Variants in DOCK2 observed in about 807,000 individuals in gnomAD.
DOCK2 encodes the protein dedicator of cytokinesis protein 2.
A neutral mutation model predicts 248.9 loss-of-function variants in DOCK2; 87 were observed. That is an observed-to-expected ratio of 0.35 (90% CI 0.29 to 0.42). DOCK2 has a LOEUF of 0.42. Ranked by LOEUF, DOCK2 falls within the 10% of genes least tolerant of loss-of-function variation. The pLI, the probability that DOCK2 is intolerant of heterozygous loss-of-function variation, is 1.00. For missense variants in DOCK2, 1,747 were observed against 2,300.2 expected, an observed-to-expected ratio of 0.76 and a Z score of 4.92; for synonymous variants, 805 against 821.6, an observed-to-expected ratio of 0.98 and a Z score of 0.35.
At chr5:169,872,445 A>T (rs982991201) in intron 27 of DOCK2, among the ~76,000 whole-genome samples, 1 of 152,144 alleles carries the variant, frequency 6.6e-6, no homozygotes, top group Non-Finnish European at 1.5e-5. Context: ...CTCATTTTTT[A>T]TAGGGTTTAA....
chr5:169,942,611 G>A (rs571247532), intron 27 of DOCK2, among the ~76,000 whole-genome samples: 1 of 152,336 alleles, frequency 6.6e-6, no homozygotes, highest in Admixed American at 6.5e-5. Flanking sequence ...CCAAGATGGT[G>A]CTGGCTCTGC....
intron 26 of DOCK2, among the ~76,000 whole-genome samples, chr5:169,812,665 T>C (rs897443794): frequency 1.3e-5 from 2 of 152,214 alleles, no homozygotes; most frequent in African/African-American, 4.8e-5. Context: ...TGTGAAAACA[T>C]CCAGCCTTAT....
intron 27 of DOCK2, among the ~76,000 whole-genome samples, chr5:169,935,253 A>G (rs1409151327): frequency 6.9e-6 from 1 of 144,390 alleles, no homozygotes; most frequent in Non-Finnish European, 1.5e-5. Flanking sequence ...GTCACTGCCA[A>G]GATCCTCTCT....
intron 26 of DOCK2, among the ~76,000 whole-genome samples, chr5:169,828,978 G>A (rs1769054291): frequency 6.6e-6 from 1 of 152,180 alleles, no homozygotes; most frequent in Non-Finnish European, 1.5e-5. Flanking sequence ...GCAGCTCCGA[G>A]TGGATTACTT....
chr5:169,916,326 G>C (rs962602888), intron 27 of DOCK2, among the ~76,000 whole-genome samples: 2 of 152,220 alleles, frequency 1.3e-5, no homozygotes, highest in African/African-American at 4.8e-5. Context: ...ATGGATCTAA[G>C]GAACCAGCCA....
rs569504921 is a variant in DOCK2, at chr5:169,768,243, G to T, written c.2554+6618G>T. Among the ~76,000 whole-genome samples, 4 of 152,360 alleles carry T rather than the reference G, an allele frequency of 2.6e-5. No individual in the cohort carries two copies. In the South Asian group the frequency reaches 6.2e-4, roughly 24 times the overall value. On this transcript the variant is annotated intron_variant, in intron 25 of 51. Transcript: ENST00000520908. The stretch of plus-strand genomic sequence containing the variant: ...ACACATCACATGTGCTAACACCAGA[G>T]AATCTGGGATGTAAACGAAGCACAC...
At chr5:169,729,561 A>G (rs1161605156) in intron 22 of DOCK2, among the ~76,000 whole-genome samples, 2 of 152,334 alleles carry the variant, frequency 1.3e-5, no homozygotes, top group East Asian at 3.9e-4. Context: ...TGTATTCAAT[A>G]GTCACTTTTG....
intron 48 of DOCK2, among the ~76,000 whole-genome samples, chr5:170,078,065 C>A (rs1757899169): frequency 6.6e-6 from 1 of 152,166 alleles, no homozygotes; most frequent in South Asian, 2.1e-4. Context: ...TTCCTGAGGA[C>A]CCAGCAGGAG....
chr5:169,741,134 T>C (rs914629166), intron 22 of DOCK2, among the ~76,000 whole-genome samples: 5 of 152,148 alleles, frequency 3.3e-5, no homozygotes, highest in Non-Finnish European at 7.4e-5. Context: ...CATCTGACCA[T>C]TGCTGAGTAA....
At chr5:169,962,799 G>A (rs1777144530) in intron 27 of DOCK2, among the ~76,000 whole-genome samples, 1 of 152,204 alleles carries the variant, frequency 6.6e-6, no homozygotes, top group Non-Finnish European at 1.5e-5. Context: ...GATGGCAAGT[G>A]TCAAGGTAGA....
intron 32 of DOCK2, among the ~76,000 whole-genome samples, chr5:170,015,468 G>A (rs371587307): frequency 1.3e-3 from 202 of 152,324 alleles, no homozygotes; most frequent in African/African-American, 4.7e-3. Context: ...GCCTGTTTCA[G>A]AGCATTGCCA....
rs569670256 is a variant in DOCK2 at position 169,943,723 on chromosome 5, T to C, written c.2800-39345T>C. 8.5e-4 allele frequency among the ~76,000 whole-genome samples: 130 copies of C among 152,254 alleles called. 2 individuals are homozygous for C. Among genetic ancestry groups the C allele is most frequent in the Non-Finnish European group, 2.9e-4 (20 of 68,018 alleles). On this transcript the variant is annotated intron_variant, in intron 27 of 51. Transcript: ENST00000520908. Reference sequence around the variant, plus strand: ...GGAATCAGCATCACCTGGGAGCTTGTTAGAAATGCACATTCTCAGGCCCTT... The same window carrying C: ...GGAATCAGCATCACCTGGGAGCTTGCTAGAAATGCACATTCTCAGGCCCTT...
intron 27 of DOCK2, among the ~76,000 whole-genome samples, chr5:169,947,260 G>C (rs551801017): frequency 2.6e-4 from 40 of 152,334 alleles, no homozygotes; most frequent in African/African-American, 9.1e-4. Context: ...AAACTCACTT[G>C]AATGTATTAA....
intron 27 of DOCK2, among the ~76,000 whole-genome samples, chr5:169,889,732 A>G (rs1360696577): frequency 1.3e-5 from 2 of 152,274 alleles, no homozygotes; most frequent in African/African-American, 4.8e-5. Context: ...GAAATAAGTC[A>G]TAGACAATAT....
At chr5:169,777,240 C>T (rs1765434143) in intron 25 of DOCK2, among the ~76,000 whole-genome samples, 1 of 152,134 alleles carries the variant, frequency 6.6e-6, no homozygotes, top group South Asian at 2.1e-4. Flanking sequence ...CTGTGTTGTC[C>T]TTGAGTTAAG....
chr5:169,878,022 G>T (rs1772427985), intron 27 of DOCK2, among the ~76,000 whole-genome samples: 1 of 152,318 alleles, frequency 6.6e-6, no homozygotes, highest in South Asian at 2.1e-4. Flanking sequence ...AAACCAAGCA[G>T]TTTTTTCCTG....
At position 169,707,482 on chromosome 5, in the gene DOCK2, C is replaced by T. The variant is rs150033197; in HGVS notation, c.1384-687C>T. 3.4e-4 allele frequency among the ~76,000 whole-genome samples: 52 copies of T among 152,336 alleles called. 1 individual carries two copies. In the East Asian group the frequency reaches 7.1e-3, roughly 21 times the overall value. ...AGTAGTGTGTACACATGTCTGTCATCACGTTGCCTTGCTGTCATGACGTGT... is the reference window on the plus strand; with the variant it reads ...AGTAGTGTGTACACATGTCTGTCATTACGTTGCCTTGCTGTCATGACGTGT... On this transcript the variant is annotated intron_variant, in intron 14 of 51. Transcript: ENST00000520908.
At chr5:170,010,458 A>G (rs966997100) in intron 32 of DOCK2, among the ~76,000 whole-genome samples, 43 of 152,318 alleles carry the variant, frequency 2.8e-4, no homozygotes, top group African/African-American at 9.9e-4. Context: ...CCTCAGGGTC[A>G]GGAAGATGAG....
chr5:169,966,245 T>C (rs1777295764), intron 27 of DOCK2, among the ~76,000 whole-genome samples: 1 of 152,062 alleles, frequency 6.6e-6, no homozygotes, highest in Admixed American at 6.6e-5. Flanking sequence ...GGTTGCTTCA[T>C]AACAAAGATA....
Sources: gnomAD v4.1 joint callset for allele counts (sites outside exome capture counted in the v4.1 genomes callset) on GRCh38, gnomAD v4.1.1 for gene constraint, MANE v1.5 for transcripts, NCBI Gene and HGNC (gene_info 2026-07-23, HGNC 2026-07-21) for gene names.